The following CASP5 variants were observed in gnomAD, a reference collection of about 807,000 sequenced individuals.
The protein encoded by CASP5 is caspase-5.
CASP5 carries 42 observed loss-of-function variants against 45.2 expected under a neutral mutation model. That is an observed-to-expected ratio of 0.93 (90% CI 0.73 to 1.20). The LOEUF is 1.20. Among genes scored for constraint, CASP5 ranks in the 50% most tolerant of loss-of-function variants. The pLI, the probability that CASP5 is intolerant of heterozygous loss-of-function variation, is 0.00. For synonymous variants in CASP5, 209 were observed against 186.2 expected, an observed-to-expected ratio of 1.12 and a Z score of -1.00; for missense variants, 512 against 532.2, an observed-to-expected ratio of 0.96 and a Z score of 0.37.
At chr11:105,009,756 TATAC>T (rs1423363781) in intron 1 of CASP5, among the ~76,000 whole-genome samples, 8 of 93,248 alleles carry the variant, frequency 8.6e-5, no homozygotes, top group South Asian at 6.2e-4. Flanking sequence ...TATATATATA[TATAC>T]ACACACACAC....
At chr11:105,010,348 TATC>T (rs1862282746) in intron 1 of CASP5, among the ~76,000 whole-genome samples, 1 of 150,422 alleles carries the variant, frequency 6.6e-6, no homozygotes, top group Non-Finnish European at 1.5e-5. Flanking sequence ...CATGAGTAAT[TATC>T]ATTATTATTA....
intron 1 of CASP5, among the ~76,000 whole-genome samples, chr11:105,009,706 TATATATATACACAC>T (rs1199534362): frequency 6.8e-5 from 5 of 73,516 alleles, no homozygotes; most frequent in African/African-American, 2.8e-4. Context: ...TACCAGGAGA[TATATATATACACAC>T]ATATATATAT....
rs901372625 is a variant in CASP5, at chr11:104,997,426, T to C, written c.1163A>G (p.Gln388Arg). ...IFITELITCF[Q>R]KYSCCCHLME... ...TAGGTGGCAGCAGCAAGAATATTTC[T>C]GGAAGCATGTGATGAGTTCCGTAAT... Residue 388 changes from glutamine to arginine, a missense_variant, in exon 8 of 10, where the codon CAG becomes CGG. By Grantham distance (43) the Gln-to-Arg change is conservative (BLOSUM62 1). Coordinates refer to ENST00000260315, the MANE Select transcript of CASP5 (RefSeq NM_004347.5). The C allele has an allele frequency of 1.2e-6, 2 of 1,613,212 alleles. No individual in the cohort carries two copies. Among genetic ancestry groups the C allele is most frequent in the Non-Finnish European group, 1.7e-6 (2 of 1,179,246 alleles).
intron 1 of CASP5, among the ~76,000 whole-genome samples, chr11:105,021,003 C>A (rs529428228): frequency 1.9e-4 from 29 of 151,972 alleles, no homozygotes; most frequent in African/African-American, 6.5e-4. Flanking sequence ...GAAATAATGC[C>A]GCATATCTAC....
In CASP5 at chr11:105,002,216, G is replaced by A; in HGVS notation, c.544-15C>T. ...ATTGGATAGATCTGCAGGAGATGGA[G>A]ATGAAGCAACTTTGATTACCCGAGT... On this transcript the variant is annotated splice_polypyrimidine_tract_variant and intron_variant, in intron 4 of 9. Coordinates refer to ENST00000260315, the MANE Select transcript of CASP5 (RefSeq NM_004347.5). 6.2e-7 allele frequency: 1 copy of A among 1,611,756 alleles called. No homozygotes were observed.
intron 1 of CASP5, among the ~76,000 whole-genome samples, chr11:105,018,382 C>G (rs1565394172): frequency 6.6e-6 from 1 of 152,080 alleles, no homozygotes; most frequent in Non-Finnish European, 1.5e-5. Context: ...GAGTCAAGAC[C>G]CACCAGTGTG....
intron 1 of CASP5, among the ~76,000 whole-genome samples, chr11:105,011,777 A>G (rs1862362605): frequency 6.6e-6 from 1 of 151,766 alleles, no homozygotes. Context: ...TAAAACATTG[A>G]CAGAAGAAAA....
intron 1 of CASP5, among the ~76,000 whole-genome samples, chr11:105,009,786 T>C (rs182745919): frequency 0.026 from 2,474 of 94,426 alleles, 79 homozygotes; most frequent in Non-Finnish European, 0.035. Context: ...TATATATATA[T>C]ACACACGTAT....
At chr11:105,018,190 C>A (rs370032667) in intron 1 of CASP5, among the ~76,000 whole-genome samples, 24 of 151,554 alleles carry the variant, frequency 1.6e-4, no homozygotes, top group African/African-American at 3.9e-4. Flanking sequence ...CGGTACCAGC[C>A]GCTGCAAAAT....
At chr11:105,002,826 T>A (rs1423700337) in intron 4 of CASP5, among the ~76,000 whole-genome samples, 3 of 152,216 alleles carry the variant, frequency 2.0e-5, no homozygotes, top group African/African-American at 7.2e-5. Flanking sequence ...TGAAGCCATA[T>A]GAACCCTTGC....
At chr11:104,997,607 TA>T (rs769012693) in intron 7 of CASP5, 115 bp from the exon 8 acceptor site, 2 of 576,994 alleles carry the variant, frequency 3.5e-6, no homozygotes, top group Non-Finnish European at 6.1e-6. Flanking sequence ...AAATCCCTTA[TA>T]ACCAAACATT....
chr11:104,999,342 A>AT (rs1565380409), intron 6 of CASP5, among the ~76,000 whole-genome samples: 2 of 152,122 alleles, frequency 1.3e-5, no homozygotes, highest in Non-Finnish European at 1.5e-5. Flanking sequence ...GCTGAGGATG[A>AT]TAGCTTCCAG....
chr11:105,019,148 T>G (rs972447328), intron 1 of CASP5, among the ~76,000 whole-genome samples: 19 of 150,766 alleles, frequency 1.3e-4, no homozygotes, highest in African/African-American at 4.4e-4. Flanking sequence ...TGGGATGCAT[T>G]CAAAGCAGTG....
Position 105,019,674 on chromosome 11 carries a change from A to G in CASP5, c.7+3456T>C, listed in dbSNP as rs867395808. Among the ~76,000 whole-genome samples, 5 of 145,300 alleles carry G rather than the reference A, an allele frequency of 3.4e-5. 2 individuals are homozygous for G. Among genetic ancestry groups the G allele is most frequent in the South Asian group, 4.3e-4 (2 of 4,616 alleles). On this transcript the variant is annotated intron_variant, in intron 1 of 9. Transcript: ENST00000260315. Reference sequence around the variant, plus strand: ...TTGTGGCAATAATCAAAAGCTTACCAACTAAAAAGAGTCCAGGACCAGATG... The same window carrying G: ...TTGTGGCAATAATCAAAAGCTTACCGACTAAAAAGAGTCCAGGACCAGATG...
At chr11:105,014,453 C>T (rs1288824265) in intron 1 of CASP5, among the ~76,000 whole-genome samples, 1 of 152,102 alleles carries the variant, frequency 6.6e-6, no homozygotes, top group African/African-American at 2.4e-5. Flanking sequence ...AGATTTTATG[C>T]TCTGTGAGGA....
At chr11:105,002,316 T>TATC (rs1861780413) in intron 4 of CASP5, 115 bp from the exon 5 acceptor site, 1 of 759,438 alleles carries the variant, frequency 1.3e-6, no homozygotes, top group Admixed American at 2.3e-5. Flanking sequence ...CCCTAACCTC[T>TATC]ATCAGAAGAC....
In CASP5 at chr11:105,021,620, A is replaced by C. The variant is rs1044452825; in HGVS notation, c.7+1510T>G. On this transcript the variant is annotated intron_variant, in intron 1 of 9. Transcript: ENST00000260315. ...CAAAACCACAATGAGATACCATCTC[A>C]CACGAGTTAGAATGGCAATCATTAA... Among the ~76,000 whole-genome samples the C allele has an allele frequency of 5.6e-4, 83 of 147,362 alleles. 1 individual carries two copies. Among genetic ancestry groups the C allele is most frequent in the Non-Finnish European group, 1.1e-3 (70 of 66,102 alleles).
chr11:104,999,064 A>G, intron 6 of CASP5, 36 bp from the exon 7 acceptor site: 1 of 1,550,454 alleles, frequency 6.4e-7, no homozygotes. Context: ...TTTTTATGTT[A>G]CTTTAAGTTC....
At chr11:104,994,400 C>T (rs763529476) in intron 9 of CASP5, 53 bp from the exon 10 acceptor site, 1 of 152,230 alleles carries the variant, frequency 6.6e-6, no homozygotes, top group Non-Finnish European at 1.5e-5. Flanking sequence ...TCACTGCCTT[C>T]ATCCCATCCT....
Sources: allele counts gnomAD v4.1 joint callset (sites outside exome capture counted in the v4.1 genomes callset), GRCh38; gene constraint gnomAD v4.1.1; transcripts MANE v1.5; gene names NCBI Gene and HGNC (gene_info 2026-07-23, HGNC 2026-07-21).